TMPRSS11D: variants seen among roughly 807,000 people sequenced by gnomAD.
The protein encoded by TMPRSS11D is transmembrane protease serine 11D.
TMPRSS11D carries 32 observed loss-of-function variants against 44.4 expected under a neutral mutation model. That is an observed-to-expected ratio of 0.72 (90% confidence interval 0.54 to 0.97). The LOEUF (loss-of-function observed/expected upper bound fraction) is 0.97. Among genes scored for constraint, TMPRSS11D ranks in the 50% least tolerant of loss-of-function variants. The pLI is 0.00. For synonymous variants in TMPRSS11D, 179 were observed against 177.9 expected, an observed-to-expected ratio of 1.01 and a Z score of -0.05; for missense variants, 446 against 502.6, an observed-to-expected ratio of 0.89 and a Z score of 1.08.
intron 1 of TMPRSS11D, among the ~76,000 whole-genome samples, chr4:67,877,018 C>G (rs1157691643): frequency 6.6e-6 from 1 of 152,058 alleles, no homozygotes; most frequent in Non-Finnish European, 1.5e-5. Context: ...CTCTAAATAT[C>G]TTTTGGGTGT....
At chr4:67,850,102 T>A (rs1176099507) in intron 3 of TMPRSS11D, among the ~76,000 whole-genome samples, 1 of 152,168 alleles carries the variant, frequency 6.6e-6, no homozygotes, top group African/African-American at 2.4e-5. Flanking sequence ...GCCACAGTAC[T>A]CTAAATATCC....
intron 3 of TMPRSS11D, among the ~76,000 whole-genome samples, chr4:67,846,133 T>C (rs1718351530): frequency 6.6e-6 from 1 of 152,296 alleles, no homozygotes; most frequent in Non-Finnish European, 1.5e-5. Flanking sequence ...GAAAGCTCAG[T>C]TGTCAAGGAG....
At chr4:67,850,860 G>C (rs185692012) in intron 3 of TMPRSS11D, among the ~76,000 whole-genome samples, 1 of 152,066 alleles carries the variant, frequency 6.6e-6, no homozygotes, top group African/African-American at 2.4e-5. Flanking sequence ...AAATCCCAAA[G>C]TTTCACCATT....
At chr4:67,846,134 T>A (rs1577814658) in intron 3 of TMPRSS11D, among the ~76,000 whole-genome samples, 1 of 152,172 alleles carries the variant, frequency 6.6e-6, no homozygotes, top group East Asian at 1.9e-4. Flanking sequence ...AAAGCTCAGT[T>A]GTCAAGGAGG....
chr4:67,838,377 T>A, intron 4 of TMPRSS11D, 48 bp from the exon 5 acceptor site: 1 of 1,459,188 alleles, frequency 6.9e-7, no homozygotes, highest in South Asian at 1.5e-5. Context: ...TGACAATTTT[T>A]CACCATCCTG....
At chr4:67,852,241 A>G (rs1366875824) in intron 3 of TMPRSS11D, among the ~76,000 whole-genome samples, 1 of 152,158 alleles carries the variant, frequency 6.6e-6, no homozygotes, top group Non-Finnish European at 1.5e-5. Flanking sequence ...GCAAACTCTA[A>G]AACGTAGTTA....
chr4:67,868,089 T>C (rs1042071949), intron 1 of TMPRSS11D, among the ~76,000 whole-genome samples: 2 of 151,488 alleles, frequency 1.3e-5, no homozygotes, highest in Non-Finnish European at 2.9e-5. Context: ...GATCACTAGA[T>C]AGAGAAATAT....
intron 7 of TMPRSS11D, among the ~76,000 whole-genome samples, chr4:67,829,785 C>A (rs1317009316): frequency 6.6e-6 from 1 of 151,870 alleles, no homozygotes; most frequent in Non-Finnish European, 1.5e-5. Context: ...AACTAGTAAT[C>A]TGAGAAATTA....
rs778940642 is a variant in TMPRSS11D at position 67,825,745 on chromosome 4, A to T, written c.1082T>A (p.Val361Glu). ...TCTTGAGCTTACCTGACATGCGTCC[A>T]CTCCACCTTGAGGTACTCCAGCACA... Reference protein sequence around the residue: ...MLCAGVPQGGVDACQGDSGGP... With the variant: ...MLCAGVPQGGEDACQGDSGGP... Residue 361 changes from valine to glutamate, a missense_variant, in exon 9 of 10, where the codon GTG becomes GAG. Val to Glu is a moderately radical substitution (Grantham distance 121, BLOSUM62 -2). Transcript: ENST00000283916. 1 of 1,612,638 alleles carries T rather than the reference A, an allele frequency of 6.2e-7. No homozygotes were observed. Among genetic ancestry groups the T allele is most frequent in the African/African-American group, 1.3e-5 (1 of 74,844 alleles).
intron 4 of TMPRSS11D, 73 bp from the exon 5 acceptor site, chr4:67,838,402 T>C: frequency 7.4e-7 from 1 of 1,350,764 alleles, no homozygotes; most frequent in Non-Finnish European, 9.8e-7. Context: ...TATATTCTTC[T>C]TGATTAAACC....
At chr4:67,871,134 C>G (rs1196021091) in intron 1 of TMPRSS11D, among the ~76,000 whole-genome samples, 1 of 115,980 alleles carries the variant, frequency 8.6e-6, no homozygotes, top group African/African-American at 3.1e-5. Flanking sequence ...ATTGAAAAGT[C>G]TATAAAGGAA....
At chr4:67,851,165 G>A (rs1577818194) in intron 3 of TMPRSS11D, among the ~76,000 whole-genome samples, 1 of 152,190 alleles carries the variant, frequency 6.6e-6, no homozygotes, top group East Asian at 1.9e-4. Flanking sequence ...TGTCTGGGAG[G>A]ATGCACTGGT....
intron 1 of TMPRSS11D, among the ~76,000 whole-genome samples, chr4:67,875,887 A>G (rs1719179541): frequency 6.6e-6 from 1 of 152,196 alleles, no homozygotes; most frequent in Non-Finnish European, 1.5e-5. Context: ...CTCCCAAAGT[A>G]TTTAATGATC....
intron 6 of TMPRSS11D, among the ~76,000 whole-genome samples, chr4:67,834,549 G>A (rs760160576): frequency 5.9e-5 from 9 of 151,948 alleles, no homozygotes; most frequent in Non-Finnish European, 1.3e-4. Flanking sequence ...TGTTTTCTAG[G>A]GATTGCATTT....
At chr4:67,874,719 A>G (rs148919340) in intron 1 of TMPRSS11D, among the ~76,000 whole-genome samples, 256 of 152,326 alleles carry the variant, frequency 1.7e-3, no homozygotes, top group African/African-American at 5.5e-3. Context: ...TGACATTTCA[A>G]CACATATTGG....
chr4:67,879,732 G>A (rs1719276722), intron 1 of TMPRSS11D, among the ~76,000 whole-genome samples: 1 of 152,068 alleles, frequency 6.6e-6, no homozygotes. Flanking sequence ...GTGAAGATCA[G>A]AAACTATTTG....
intron 7 of TMPRSS11D, among the ~76,000 whole-genome samples, chr4:67,831,438 T>C (rs1717943271): frequency 6.6e-6 from 1 of 152,014 alleles, no homozygotes; most frequent in South Asian, 2.1e-4. Context: ...GGATGTGGGG[T>C]GGCAAAATTC....
At chr4:67,844,648 A>G (rs1718316585) in intron 3 of TMPRSS11D, among the ~76,000 whole-genome samples, 1 of 151,922 alleles carries the variant, frequency 6.6e-6, no homozygotes, top group Non-Finnish European at 1.5e-5. Flanking sequence ...GTGTGGTGGC[A>G]GGCACCTGTA....
chr4:67,825,603 A>T, intron 9 of TMPRSS11D, 129 bp downstream of exon 9: 2 of 1,050,204 alleles, frequency 1.9e-6, no homozygotes, highest in African/African-American at 1.6e-5. Context: ...TAAAATCTAG[A>T]TTATAAATTT....
Sources: gnomAD v4.1 joint callset for allele counts (sites outside exome capture counted in the v4.1 genomes callset) on GRCh38, gnomAD v4.1.1 for gene constraint, MANE v1.5 for transcripts, NCBI Gene and HGNC (gene_info 2026-07-23, HGNC 2026-07-21) for gene names.